HS3ST5: variants seen among roughly 807,000 people sequenced by gnomAD.
The protein encoded by HS3ST5 is heparan sulfate glucosamine 3-O-sulfotransferase 5.
HS3ST5 carries 10 observed loss-of-function variants against 25.4 expected under a neutral mutation model. The ratio of observed to expected loss-of-function variants is 0.39; its 90% CI spans 0.24 to 0.67. The LOEUF is 0.67. Among genes scored for constraint, HS3ST5 ranks in the 30% least tolerant of loss-of-function variants. HS3ST5 has a pLI of 0.44. For missense variants in HS3ST5, 324 were observed against 420.7 expected (o/e 0.77, Z 2.01); for synonymous variants, 170 against 162.4 (o/e 1.05, Z -0.36).
chr6:114,316,261 T>C (rs180833530), intron 1 of HS3ST5, among the ~76,000 whole-genome samples: 4 of 152,234 alleles, frequency 2.6e-5, no homozygotes, highest in Non-Finnish European at 4.4e-5. Flanking sequence ...TAGATAATTA[T>C]TTGTACAAAT....
Position 114,065,165 on chromosome 6 carries a change from A to C in HS3ST5, c.-32-2288T>G, listed in dbSNP as rs544193255. Among the ~76,000 whole-genome samples, 58 of 152,352 alleles carry C rather than the reference A, an allele frequency of 3.8e-4. 2 individuals are homozygous for C. The highest frequency in any genetic ancestry group is 6.8e-3 in the Middle Eastern group (2 of 294). On this transcript the variant is annotated intron_variant, in intron 3 of 4. Coordinates refer to ENST00000312719, the MANE Select transcript of HS3ST5 (RefSeq NM_153612.4). ...CCAGGTGGTATTTCAGGAAATTCTC[A>C]AAAACCCTATAAAGTAGATGGAGTT... is the stretch of plus-strand genomic sequence containing the variant.
At chr6:114,223,270 A>C (rs1782126534) in intron 2 of HS3ST5, among the ~76,000 whole-genome samples, 1 of 151,816 alleles carries the variant, frequency 6.6e-6, no homozygotes, top group Admixed American at 6.6e-5. Flanking sequence ...ATTTGCCATC[A>C]TAAACCACTT....
intron 3 of HS3ST5, chr6:114,084,589 T>C (rs1230214587): frequency 2.6e-6 from 2 of 770,412 alleles, no homozygotes; most frequent in African/African-American, 1.7e-5. Flanking sequence ...AAAGTCCACA[T>C]AGTGCAGAGG....
chr6:114,058,244 C>G lies in HS3ST5; in HGVS notation c.108-54G>C, dbSNP rs1406982752. On this transcript the variant is annotated intron_variant, in intron 4 of 4. Transcript: ENST00000312719. The stretch of plus-strand genomic sequence containing the variant: ...TCATTGCAACTAACTTTTCATTTTT[C>G]TGGTTCCCCAGTCAGACCAAGACTT... 4 of 1,389,160 alleles carry G rather than the reference C, an allele frequency of 2.9e-6. No individual in the cohort carries two copies. In the African/African-American group the frequency reaches 4.3e-5, roughly 15 times the overall value. The allele number at this position is 1,389,160 out of a possible 1,614,324, so 86.1% of individuals were successfully genotyped here.
At chr6:114,065,789 C>A (rs577771784) in intron 3 of HS3ST5, among the ~76,000 whole-genome samples, 1 of 152,308 alleles carries the variant, frequency 6.6e-6, no homozygotes, top group East Asian at 1.9e-4. Context: ...TGCCCCATGG[C>A]CTTTGCAAGG....
chr6:114,084,732 T>C, intron 3 of HS3ST5: 2 of 998,990 alleles, frequency 2.0e-6, no homozygotes, highest in Non-Finnish European at 1.6e-6. Flanking sequence ...TTAGTGAAGG[T>C]TCCAGGCGTG....
At chr6:114,310,916 G>A (rs1002122198) in intron 1 of HS3ST5, among the ~76,000 whole-genome samples, 1 of 152,100 alleles carries the variant, frequency 6.6e-6, no homozygotes, top group Non-Finnish European at 1.5e-5. Context: ...CAACTTTCTG[G>A]TTTACTTCCA....
At chr6:114,101,859 C>T (rs1172324240) in intron 3 of HS3ST5, among the ~76,000 whole-genome samples, 1 of 152,148 alleles carries the variant, frequency 6.6e-6, no homozygotes, top group African/African-American at 2.4e-5. Context: ...CCATGGAATG[C>T]TATGCAGCTA....
At chr6:114,324,864 C>A (rs557403848) in intron 1 of HS3ST5, among the ~76,000 whole-genome samples, 3 of 152,132 alleles carry the variant, frequency 2.0e-5, no homozygotes, top group Admixed American at 2.0e-4. Context: ...ATTCCAATTG[C>A]GGATAACGTG....
intron 1 of HS3ST5, among the ~76,000 whole-genome samples, chr6:114,256,409 A>C (rs533101371): frequency 1.1e-4 from 16 of 151,986 alleles, no homozygotes; most frequent in Non-Finnish European, 1.5e-4. Flanking sequence ...ACAAAAAAAA[A>C]CAAACTGAAT....
At chr6:114,138,254 T>C (rs1354055651) in intron 3 of HS3ST5, among the ~76,000 whole-genome samples, 4 of 152,230 alleles carry the variant, frequency 2.6e-5, no homozygotes, top group Non-Finnish European at 4.4e-5. Flanking sequence ...TCTCATAAAG[T>C]GATGGATATT....
chr6:114,320,307 C>T (rs1483858574), intron 1 of HS3ST5, among the ~76,000 whole-genome samples: 3 of 152,120 alleles, frequency 2.0e-5, no homozygotes, highest in African/African-American at 4.8e-5. Context: ...AATTTCTAAA[C>T]TTAGACTCTA....
chr6:114,084,237 C>T (rs929347430), intron 3 of HS3ST5: 5 of 1,084,974 alleles, frequency 4.6e-6, no homozygotes, highest in Non-Finnish European at 7.0e-6. Context: ...ACCAGTCTTC[C>T]GTGGCAGGCT....
At chr6:114,105,803 C>A (rs1775963561) in intron 3 of HS3ST5, among the ~76,000 whole-genome samples, 1 of 152,168 alleles carries the variant, frequency 6.6e-6, no homozygotes, top group Non-Finnish European at 1.5e-5. Flanking sequence ...CTGGGCATAA[C>A]TCTTGTTATA....
At chr6:114,110,023 C>T (rs1776188801) in intron 3 of HS3ST5, among the ~76,000 whole-genome samples, 1 of 152,082 alleles carries the variant, frequency 6.6e-6, no homozygotes, top group African/African-American at 2.4e-5. Flanking sequence ...TTCTTCAAAC[C>T]AGAATTACTG....
At chr6:114,059,296 T>C (rs1240572008) in intron 4 of HS3ST5, 2 of 152,200 alleles carry the variant, frequency 1.3e-5, no homozygotes, top group Admixed American at 1.3e-4. Context: ...TTAAATAATA[T>C]CAGTCAAAAA....
At position 114,056,017 on chromosome 6, in the gene HS3ST5, G is replaced by A. The variant is rs909918289; in HGVS notation, c.*1240C>T. On this transcript the variant is annotated 3_prime_UTR_variant, in exon 5 of 5. Coordinates refer to ENST00000312719, the MANE Select transcript of HS3ST5 (RefSeq NM_153612.4). ...GATATATTTTCAACTAACAGGGAGAGTTGTGAGATCTTGTTTTCATTTTTG... is the reference window on the plus strand; with the variant it reads ...GATATATTTTCAACTAACAGGGAGAATTGTGAGATCTTGTTTTCATTTTTG... The A allele has an allele frequency of 6.6e-6, 1 of 152,200 alleles. No individual in the cohort carries two copies. The highest frequency in any genetic ancestry group is 2.4e-5 in the African/African-American group (1 of 41,446). 9.4% of individuals were successfully genotyped at this position (152,200 alleles called of 1,614,324 possible).
intron 1 of HS3ST5, among the ~76,000 whole-genome samples, chr6:114,270,128 A>C (rs1323684059): frequency 6.6e-6 from 1 of 152,200 alleles, no homozygotes; most frequent in Non-Finnish European, 1.5e-5. Context: ...GGAAAAGTTG[A>C]TATGATGCTG....
At chr6:114,191,276 T>C (rs1780489361) in intron 2 of HS3ST5, among the ~76,000 whole-genome samples, 1 of 152,208 alleles carries the variant, frequency 6.6e-6, no homozygotes, top group Non-Finnish European at 1.5e-5. Flanking sequence ...GAGTAATTAC[T>C]ATAAAATGAA....
Sources: allele counts gnomAD v4.1 joint callset (sites outside exome capture counted in the v4.1 genomes callset), GRCh38; gene constraint gnomAD v4.1.1; transcripts MANE v1.5; gene names NCBI Gene and HGNC (gene_info 2026-07-23, HGNC 2026-07-21).